The following RFC3 variants were observed in gnomAD, a reference collection of about 807,000 sequenced individuals.
RFC3 encodes the protein replication factor C subunit 3, also known as A1 38 kDa subunit.
A neutral mutation model predicts 45.1 loss-of-function variants in RFC3; 41 were observed. That is an observed-to-expected ratio of 0.91 (90% CI 0.71 to 1.18). The LOEUF (loss-of-function observed/expected upper bound fraction) is 1.18, where lower values mean the gene tolerates loss of function less well. Among genes scored for constraint, RFC3 ranks in the 50% most tolerant of loss-of-function variants. RFC3 has a pLI of 0.00. For synonymous variants in RFC3, 149 were observed against 144.0 expected (o/e 1.03, Z -0.25); for missense variants, 423 against 428.1 (o/e 0.99, Z 0.10).
intron 8 of RFC3, among the ~76,000 whole-genome samples, chr13:33,898,997 T>A (rs568189837): frequency 2.6e-5 from 4 of 151,064 alleles, no homozygotes; most frequent in Admixed American, 1.3e-4. Context: ...AGTAATGAGA[T>A]CAAAGCTGTA....
intron 8 of RFC3, among the ~76,000 whole-genome samples, chr13:33,910,004 G>C (rs1256008371): frequency 6.6e-6 from 1 of 152,028 alleles, no homozygotes; most frequent in Non-Finnish European, 1.5e-5. Context: ...TAATGATAAT[G>C]ATGCTTATAT....
chr13:33,873,268 C>T (rs2082424315), intron 8 of RFC3, among the ~76,000 whole-genome samples: 1 of 151,982 alleles, frequency 6.6e-6, no homozygotes. Context: ...ATGTCCCAGG[C>T]CTTTTTAAAG....
chr13:33,867,452 T>A (rs879148686), intron 8 of RFC3, among the ~76,000 whole-genome samples: 1 of 152,158 alleles, frequency 6.6e-6, no homozygotes, highest in Admixed American at 6.6e-5. Flanking sequence ...TCAGAAGAAT[T>A]GGAAAGTAAA....
downstream of RFC3, among the ~76,000 whole-genome samples, chr13:33,971,117 T>A (rs1012502090): frequency 6.6e-6 from 1 of 152,216 alleles, no homozygotes; most frequent in Admixed American, 6.5e-5. Flanking sequence ...ACAAAGTTGA[T>A]ATATTTGTTA....
intron 8 of RFC3, among the ~76,000 whole-genome samples, chr13:33,928,874 C>T (rs960540536): frequency 4.6e-5 from 7 of 151,982 alleles, no homozygotes; most frequent in African/African-American, 1.7e-4. Context: ...GGTTAGTTGC[C>T]CTAGAAAATA....
intron 8 of RFC3, among the ~76,000 whole-genome samples, chr13:33,876,174 A>T (rs1412903042): frequency 6.6e-6 from 1 of 152,128 alleles, no homozygotes. Context: ...GGAAGTTTTG[A>T]TCAATAGTTA....
downstream of RFC3, among the ~76,000 whole-genome samples, chr13:33,970,558 C>T (rs1473078009): frequency 1.3e-5 from 2 of 152,160 alleles, no homozygotes; most frequent in Non-Finnish European, 2.9e-5. Flanking sequence ...TTTGAATTCC[C>T]GAAGAAACAG....
chr13:33,908,376 A>G (rs2082684025), intron 8 of RFC3, among the ~76,000 whole-genome samples: 1 of 152,016 alleles, frequency 6.6e-6, no homozygotes, highest in Non-Finnish European at 1.5e-5. Context: ...TTCTAACTTG[A>G]GTGCCAAAAG....
At chr13:33,883,620 T>C (rs959974952) in intron 8 of RFC3, among the ~76,000 whole-genome samples, 22 of 152,236 alleles carry the variant, frequency 1.4e-4, no homozygotes, top group African/African-American at 4.6e-4. Flanking sequence ...GCTATAGTTA[T>C]GTGAGATATT....
chr13:33,848,827 G>C (rs537002513), intron 8 of RFC3: 19 of 152,184 alleles, frequency 1.2e-4, no homozygotes, highest in African/African-American at 4.6e-4. Flanking sequence ...TACTCAACAT[G>C]GCAAGTAATT....
intron 8 of RFC3, among the ~76,000 whole-genome samples, chr13:33,915,751 A>G (rs2082728948): frequency 6.6e-6 from 1 of 152,026 alleles, no homozygotes; most frequent in African/African-American, 2.4e-5. Context: ...AATTATTCGT[A>G]ATGATTCATA....
At chr13:33,824,036 G>A (rs758703867) in intron 3 of RFC3, 52 bp downstream of exon 3, 9 of 918,280 alleles carry the variant, frequency 9.8e-6, no homozygotes, top group Non-Finnish European at 1.5e-5. Context: ...TTGGTTTTGG[G>A]CTTTCTTTTT....
intron 8 of RFC3, among the ~76,000 whole-genome samples, chr13:33,948,807 G>A (rs927285186): frequency 2.6e-5 from 4 of 152,188 alleles, no homozygotes; most frequent in Non-Finnish European, 4.4e-5. Flanking sequence ...TAGCCCCTTT[G>A]TTCTGGTCAA....
the RFC3 span, among the ~76,000 whole-genome samples, chr13:33,971,926 A>G: frequency 6.8e-6 from 1 of 147,730 alleles, no homozygotes; most frequent in Non-Finnish European, 1.5e-5. Flanking sequence ...AGCCTGACCA[A>G]CGTGGCACAA....
At chr13:33,903,593 C>T (rs1444201990) in intron 8 of RFC3, among the ~76,000 whole-genome samples, 3 of 152,078 alleles carry the variant, frequency 2.0e-5, no homozygotes, top group Non-Finnish European at 4.4e-5. Flanking sequence ...CTATGTACCC[C>T]AGATGTCCTC....
intron 8 of RFC3, among the ~76,000 whole-genome samples, chr13:33,908,049 T>G (rs965117704): frequency 6.6e-6 from 1 of 151,962 alleles, no homozygotes; most frequent in African/African-American, 2.4e-5. Context: ...TAATAAAATT[T>G]TATTTTCTTT....
rs149958469 is a variant in RFC3, at chr13:33,901,148, A to C, written c.880-64939A>C. On this transcript the variant is annotated intron_variant, in intron 8 of 8. Coordinates refer to the RFC3 transcript ENST00000434425. ...AACAATATGGAAATTCGTCACAAAA[A>C]TAAAATAGAACTACTATATGATATA... Among the ~76,000 whole-genome samples, 44 of 152,102 alleles carry C rather than the reference A, an allele frequency of 2.9e-4. No individual in the cohort carries two copies. In the East Asian group the frequency reaches 8.3e-3, roughly 29 times the overall value.
At chr13:33,961,836 A>G (rs2083059064) in intron 8 of RFC3, among the ~76,000 whole-genome samples, 1 of 152,228 alleles carries the variant, frequency 6.6e-6, no homozygotes, top group Admixed American at 6.5e-5. Context: ...CAGTAACCCC[A>G]TGGAAGAATA....
At chr13:33,930,342 C>T (rs1274628490) in intron 8 of RFC3, among the ~76,000 whole-genome samples, 1 of 152,202 alleles carries the variant, frequency 6.6e-6, no homozygotes, top group East Asian at 1.9e-4. Flanking sequence ...GGCCTGAAAG[C>T]CCCTCAGAAA....
Sources: allele counts gnomAD v4.1 joint callset (sites outside exome capture counted in the v4.1 genomes callset), GRCh38; gene constraint gnomAD v4.1.1; transcripts MANE v1.5; gene names NCBI Gene and HGNC (gene_info 2026-07-23, HGNC 2026-07-21).